The following CTPS2 variants were observed in gnomAD, a reference collection of about 807,000 sequenced individuals.
CTPS2 encodes CTP synthase 2, also known as CTP synthase II.
CTPS2 carries 19 observed loss-of-function variants against 46.8 expected under a neutral mutation model. The observed-to-expected ratio is 0.41, with a 90% CI of 0.28 to 0.60. CTPS2 has a LOEUF of 0.60. CTPS2 is among the 20% of genes least tolerant of loss of function. The pLI is 0.35. For missense variants in CTPS2, 286 were observed against 447.6 expected, an observed-to-expected ratio of 0.64 and a Z score of 3.26; for synonymous variants, 151 against 165.2, an observed-to-expected ratio of 0.91 and a Z score of 0.66.
chrX:16,664,655 A>G (rs1390453563), intron 13 of CTPS2, among the ~76,000 whole-genome samples: 1 of 112,199 alleles, frequency 8.9e-6, no homozygotes, highest in Non-Finnish European at 1.9e-5. Flanking sequence ...GCTTGCCATA[A>G]GGGAAGGGAT....
At chrX:16,608,302 A>C in intron 17 of CTPS2, among the ~76,000 whole-genome samples, 1 of 111,445 alleles carries the variant, frequency 9.0e-6, no homozygotes, top group South Asian at 3.8e-4. Context: ...AAAGCATTGT[A>C]CAGGCTGGGC....
At chrX:16,682,962 C>A in intron 9 of CTPS2, 132 bp downstream of exon 9, 1 of 665,887 alleles carries the variant, frequency 1.5e-6, no homozygotes. Context: ...TATGATGAGT[C>A]CTGTGAGTTC....
At chrX:16,645,595 A>C (rs898250183) in intron 13 of CTPS2, among the ~76,000 whole-genome samples, 4 of 112,238 alleles carry the variant, frequency 3.6e-5, no homozygotes, top group African/African-American at 1.3e-4. Flanking sequence ...TACAATGAGG[A>C]AATCAATGAG....
intron 1 of CTPS2, among the ~76,000 whole-genome samples, chrX:16,705,494 C>G (rs956724555): frequency 2.7e-5 from 3 of 112,137 alleles, no homozygotes; most frequent in African/African-American, 9.7e-5. Context: ...AATGTTAAGT[C>G]TCCATCCCCA....
intron 2 of CTPS2, among the ~76,000 whole-genome samples, chrX:16,702,222 T>A: frequency 9.1e-6 from 1 of 109,890 alleles, no homozygotes; most frequent in East Asian, 2.9e-4. Context: ...GCCCAGCTAA[T>A]GTTTTGTATT....
intron 16 of CTPS2, among the ~76,000 whole-genome samples, chrX:16,615,479 T>C (rs1424755900): frequency 8.9e-6 from 1 of 112,041 alleles, no homozygotes; most frequent in Non-Finnish European, 1.9e-5. Flanking sequence ...AAGGTCACTG[T>C]GATGTTTCCC....
At chrX:16,652,599 A>G (rs753040960) in intron 13 of CTPS2, among the ~76,000 whole-genome samples, 1 of 112,507 alleles carries the variant, frequency 8.9e-6, no homozygotes, top group Admixed American at 9.4e-5. Flanking sequence ...AGGAAGAAAA[A>G]TAATCATCTA....
chrX:16,621,119 C>T (rs1426712262), intron 14 of CTPS2, among the ~76,000 whole-genome samples: 1 of 110,483 alleles, frequency 9.1e-6, no homozygotes, highest in Non-Finnish European at 1.9e-5. Context: ...GCTGCCTAAA[C>T]ATGCCTACGT....
chrX:16,712,275 G>A (rs1446760831), intron 1 of CTPS2, 60 bp downstream of exon 1: 2 of 112,386 alleles, frequency 1.8e-5, no homozygotes, highest in Non-Finnish European at 1.9e-5. Context: ...CCCTGGGGAC[G>A]AGGGATGGCC....
At chrX:16,705,421 C>T (rs1924917519) in intron 1 of CTPS2, among the ~76,000 whole-genome samples, 1 of 111,515 alleles carries the variant, frequency 9.0e-6, no homozygotes, top group Admixed American at 9.6e-5. Context: ...AGGCTGTGGA[C>T]TTGCGTGCCT....
intron 13 of CTPS2, among the ~76,000 whole-genome samples, chrX:16,662,171 G>C (rs913961980): frequency 1.8e-4 from 20 of 110,639 alleles, no homozygotes; most frequent in Non-Finnish European, 5.7e-5. Flanking sequence ...CAACAGCTAC[G>C]CTCTTGGTTA....
intron 14 of CTPS2, chrX:16,638,789 G>A (rs762389991): frequency 2.1e-5 from 8 of 375,148 alleles, no homozygotes; most frequent in Middle Eastern, 8.9e-4. Context: ...ATGTAATGGA[G>A]AGAACTGTGG....
chrX:16,602,625 A>C (rs984289254), intron 17 of CTPS2, among the ~76,000 whole-genome samples: 1 of 111,964 alleles, frequency 8.9e-6, no homozygotes, highest in Non-Finnish European at 1.9e-5. Flanking sequence ...AACTTGGAAA[A>C]ATGCATATGA....
chrX:16,633,270 T>G (rs1004135358), intron 14 of CTPS2, among the ~76,000 whole-genome samples: 15 of 109,538 alleles, frequency 1.4e-4, no homozygotes, highest in African/African-American at 5.0e-4. Flanking sequence ...AATTTTTTTG[T>G]AGAGACAGGG....
At chrX:16,679,382 T>TA (rs1035620211) in intron 9 of CTPS2, among the ~76,000 whole-genome samples, 6 of 103,297 alleles carry the variant, frequency 5.8e-5, no homozygotes, top group Non-Finnish European at 1.0e-4. Context: ...TAAAAATAAA[T>TA]AAAAAAAAAA....
At chrX:16,700,204 A>G (rs1265273135) in intron 2 of CTPS2, among the ~76,000 whole-genome samples, 1 of 105,327 alleles carries the variant, frequency 9.5e-6, no homozygotes, top group Non-Finnish European at 1.9e-5. Flanking sequence ...GCAACCTCTG[A>G]CTCCCTGGTT....
chrX:16,692,480 G>A (rs1369606939), intron 6 of CTPS2, among the ~76,000 whole-genome samples: 1 of 110,516 alleles, frequency 9.0e-6, no homozygotes, highest in Non-Finnish European at 1.9e-5. Flanking sequence ...AAGAAAAAAA[G>A]AGCAGTGATA....
chrX:16,706,249 C>A (rs1222184344), intron 1 of CTPS2, among the ~76,000 whole-genome samples: 3 of 109,597 alleles, frequency 2.7e-5, no homozygotes. Flanking sequence ...CATGGTGAAA[C>A]CCTGTCTCTA....
chrX:16,666,144 G>C (rs1408803450), intron 13 of CTPS2, among the ~76,000 whole-genome samples: 1 of 112,154 alleles, frequency 8.9e-6, no homozygotes, highest in Non-Finnish European at 1.9e-5. Context: ...TGAGGCGCGA[G>C]CTCCATTAGA....
Sources: allele counts gnomAD v4.1 joint callset (sites outside exome capture counted in the v4.1 genomes callset), GRCh38; gene constraint gnomAD v4.1.1; transcripts MANE v1.5; gene names NCBI Gene and HGNC (gene_info 2026-07-23, HGNC 2026-07-21).